The following NLGN1 variants were observed in gnomAD, a reference collection of about 807,000 sequenced individuals.
NLGN1 encodes neuroligin-1.
A neutral mutation model predicts 65.5 loss-of-function variants in NLGN1; 12 were observed. The observed-to-expected ratio is 0.18, with a 90% CI of 0.12 to 0.30. The LOEUF (loss-of-function observed/expected upper bound fraction) is 0.30, where lower values mean the gene tolerates loss of function less well. NLGN1 is among the 10% of genes least tolerant of loss of function. NLGN1 has a pLI of 1.00. For synonymous variants in NLGN1, 350 were observed against 359.5 expected, an observed-to-expected ratio of 0.97 and a Z score of 0.30; for missense variants, 750 against 1,007.1, an observed-to-expected ratio of 0.74 and a Z score of 3.46.
chr3:173,640,993 C>G (rs895405761), intron 3 of NLGN1, among the ~76,000 whole-genome samples: 1 of 152,088 alleles, frequency 6.6e-6, no homozygotes, highest in African/African-American at 2.4e-5. Flanking sequence ...TTAAAAAGTA[C>G]ATTTTTCTCT....
chr3:173,707,432 A>G (rs1250138920), intron 3 of NLGN1, among the ~76,000 whole-genome samples: 2 of 152,210 alleles, frequency 1.3e-5, no homozygotes, highest in African/African-American at 4.8e-5. Flanking sequence ...AGTGTATCGC[A>G]AGTAGTAATG....
At chr3:174,039,102 C>T (rs941753107) in intron 4 of NLGN1, among the ~76,000 whole-genome samples, 3 of 152,124 alleles carry the variant, frequency 2.0e-5, no homozygotes, top group Non-Finnish European at 4.4e-5. Context: ...TTTCCCATAG[C>T]GTGAGACTCC....
intron 3 of NLGN1, among the ~76,000 whole-genome samples, chr3:173,673,723 C>G (rs1433992090): frequency 6.6e-6 from 1 of 152,020 alleles, no homozygotes. Flanking sequence ...AAGCCATGTA[C>G]TTTTTTTGTT....
intron 2 of NLGN1, among the ~76,000 whole-genome samples, chr3:173,451,782 G>A (rs976697131): frequency 1.3e-5 from 2 of 152,148 alleles, no homozygotes; most frequent in Non-Finnish European, 2.9e-5. Context: ...CCGCAGCCTC[G>A]CTGCCACCTT....
chr3:174,094,426 A>G (rs1280124852), intron 4 of NLGN1, among the ~76,000 whole-genome samples: 3 of 151,708 alleles, frequency 2.0e-5, no homozygotes, highest in Non-Finnish European at 4.4e-5. Context: ...GTGGCTCAAC[A>G]CAAATTCGTA....
chr3:174,185,864 T>C (rs1577263891), intron 4 of NLGN1, among the ~76,000 whole-genome samples: 1 of 152,032 alleles, frequency 6.6e-6, no homozygotes, highest in East Asian at 1.9e-4. Flanking sequence ...CTTCTTTATA[T>C]GTTTATGTTT....
chr3:173,779,693 C>T (rs1265651620), intron 3 of NLGN1, among the ~76,000 whole-genome samples: 1 of 151,988 alleles, frequency 6.6e-6, no homozygotes, highest in Non-Finnish European at 1.5e-5. Flanking sequence ...GGAACATAGG[C>T]TAAACCTAGA....
chr3:174,120,429 C>A (rs1451443002), intron 4 of NLGN1, among the ~76,000 whole-genome samples: 2 of 152,102 alleles, frequency 1.3e-5, no homozygotes, highest in Non-Finnish European at 2.9e-5. Flanking sequence ...ATCACTTGAA[C>A]CCAGGAGGCA....
chr3:174,158,331 C>T (rs1335673254), intron 4 of NLGN1, among the ~76,000 whole-genome samples: 3 of 151,600 alleles, frequency 2.0e-5, no homozygotes, highest in African/African-American at 2.4e-5. Context: ...ATGCCCACTA[C>T]GTATCTGAAA....
chr3:173,539,218 CCT>C (rs1737994687), intron 2 of NLGN1, among the ~76,000 whole-genome samples: 1 of 151,676 alleles, frequency 6.6e-6, no homozygotes, highest in South Asian at 2.1e-4. Flanking sequence ...CTCTTTTCTT[CCT>C]CTGTCATCTG....
chr3:174,226,637 T>G (rs1739756744), intron 4 of NLGN1, among the ~76,000 whole-genome samples: 1 of 152,190 alleles, frequency 6.6e-6, no homozygotes, highest in Non-Finnish European at 1.5e-5. Flanking sequence ...TGAATTTTAT[T>G]GTTACTTCCT....
intron 2 of NLGN1, among the ~76,000 whole-genome samples, chr3:173,500,513 CTT>C (rs1017034553): frequency 1.2e-4 from 18 of 151,950 alleles, no homozygotes; most frequent in African/African-American, 4.3e-4. Context: ...CTAAAATTCT[CTT>C]TTTTTTGTGT....
At position 173,842,103 on chromosome 3, in the gene NLGN1, T is replaced by G. The variant is rs74757788; in HGVS notation, c.646+34271T>G. Among the ~76,000 whole-genome samples the G allele has an allele frequency of 8.2e-3, 1,250 of 152,244 alleles. 23 individuals are homozygous for G. The highest frequency in any genetic ancestry group is 0.029 in the African/African-American group (1,188 of 41,528). Reference sequence around the variant, plus strand: ...AGGAGCAAGTCACAGCTTACGTGGATGGCAGCAGGCAAAAAGAAGAGCTAG... The same window carrying G: ...AGGAGCAAGTCACAGCTTACGTGGAGGGCAGCAGGCAAAAAGAAGAGCTAG... On this transcript the variant is annotated intron_variant, in intron 4 of 6. Coordinates refer to ENST00000457714, the Ensembl canonical transcript of NLGN1.
chr3:174,013,090 G>C (rs1725865806), intron 4 of NLGN1, among the ~76,000 whole-genome samples: 2 of 152,154 alleles, frequency 1.3e-5, no homozygotes, highest in African/African-American at 4.8e-5. Flanking sequence ...AGAAATGAGA[G>C]TAACTTTAAA....
intron 2 of NLGN1, among the ~76,000 whole-genome samples, chr3:173,436,555 C>T (rs1264712679): frequency 6.6e-6 from 1 of 152,110 alleles, no homozygotes; most frequent in African/African-American, 2.4e-5. Flanking sequence ...ACTATGTGTC[C>T]CATTAATTCC....
At chr3:173,824,295 G>A (rs1720903979) in intron 4 of NLGN1, among the ~76,000 whole-genome samples, 1 of 152,064 alleles carries the variant, frequency 6.6e-6, no homozygotes, top group Non-Finnish European at 1.5e-5. Flanking sequence ...GCCATTTTAT[G>A]TGACTCATTG....
At chr3:173,638,191 A>ATTTT (rs879275103) in intron 3 of NLGN1, among the ~76,000 whole-genome samples, 1 of 144,720 alleles carries the variant, frequency 6.9e-6, no homozygotes. Flanking sequence ...CATTTGTTAG[A>ATTTT]TTTTTTTTTT....
At chr3:173,958,475 C>A (rs1002121127) in intron 4 of NLGN1, among the ~76,000 whole-genome samples, 1 of 151,538 alleles carries the variant, frequency 6.6e-6, no homozygotes. Context: ...TTACTCAGCT[C>A]TCAGCAGGGA....
chr3:173,622,055 G>A lies in NLGN1; in HGVS notation c.493+16964G>A, dbSNP rs543951541. ...AGGGAGAAAAGATGATACATCTTAC[G>A]CACTAAAATTTCTCTATTACTGTCA... On this transcript the variant is annotated intron_variant, in intron 3 of 6. Transcript: ENST00000457714. Among the ~76,000 whole-genome samples the A allele has an allele frequency of 3.3e-5, 5 of 152,122 alleles. No individual in the cohort carries two copies. The East Asian group carries it at 5.8e-4, about 18-fold the overall frequency.
Sources: allele counts gnomAD v4.1 joint callset (sites outside exome capture counted in the v4.1 genomes callset), GRCh38; gene constraint gnomAD v4.1.1; transcripts MANE v1.5; gene names NCBI Gene and HGNC (gene_info 2026-07-23, HGNC 2026-07-21).